The following PCSK5 variants were observed in gnomAD, a reference collection of about 807,000 sequenced individuals.
PCSK5 encodes the protein prohormone convertase 5.
PCSK5 carries 129 observed loss-of-function variants against 233.2 expected under a neutral mutation model. The ratio of observed to expected loss-of-function variants is 0.55; its 90% CI spans 0.48 to 0.64. The LOEUF (loss-of-function observed/expected upper bound fraction) is 0.64. Ranked by LOEUF, PCSK5 falls within the 30% of genes least tolerant of loss-of-function variation. PCSK5 has a pLI of 0.00. For synonymous variants in PCSK5, 825 were observed against 879.2 expected (o/e 0.94, Z 1.09); for missense variants, 2,076 against 2,430.1 (o/e 0.85, Z 3.06).
intron 2 of PCSK5, among the ~76,000 whole-genome samples, chr9:75,976,463 C>A (rs530415834): frequency 3.2e-4 from 48 of 151,998 alleles, no homozygotes; most frequent in African/African-American, 1.1e-3. Context: ...TCCCAAAGAA[C>A]AAATTTACTT....
intron 23 of PCSK5, among the ~76,000 whole-genome samples, chr9:76,239,701 AAAAAAAAAAG>A (rs1293432991): frequency 3.1e-5 from 4 of 128,624 alleles, no homozygotes; most frequent in African/African-American, 5.1e-5. Context: ...ATCTCAAAAA[AAAAAAAAAAG>A]AAAAAAAAGA....
At chr9:76,113,123 C>A (rs558952046) in intron 9 of PCSK5, among the ~76,000 whole-genome samples, 2 of 152,272 alleles carry the variant, frequency 1.3e-5, no homozygotes, top group East Asian at 1.9e-4. Flanking sequence ...TGCCTCAACT[C>A]GTCTCTCATC....
chr9:76,094,110 A>T (rs939831385), intron 7 of PCSK5, among the ~76,000 whole-genome samples: 3 of 152,168 alleles, frequency 2.0e-5, no homozygotes, highest in Non-Finnish European at 4.4e-5. Flanking sequence ...GGTAATTATA[A>T]AGCATTTTTT....
intron 7 of PCSK5, among the ~76,000 whole-genome samples, chr9:76,093,134 A>T (rs1291694864): frequency 8.2e-6 from 1 of 122,532 alleles, no homozygotes; most frequent in Non-Finnish European, 1.6e-5. Context: ...TTGCTGTGTC[A>T]CTCAGCCTGG....
chr9:75,990,221 A>T (rs907462796), intron 3 of PCSK5, among the ~76,000 whole-genome samples: 8 of 152,124 alleles, frequency 5.3e-5, no homozygotes, highest in African/African-American at 1.9e-4. Flanking sequence ...TGACCTCCGT[A>T]GGGTCCTGCC....
intron 1 of PCSK5, among the ~76,000 whole-genome samples, chr9:75,917,362 G>T (rs1351512937): frequency 6.6e-6 from 1 of 152,180 alleles, no homozygotes; most frequent in Non-Finnish European, 1.5e-5. Flanking sequence ...AGAACACTTT[G>T]CATTTTTATG....
intron 3 of PCSK5, among the ~76,000 whole-genome samples, chr9:76,000,175 A>C (rs771364738): frequency 6.6e-6 from 1 of 152,072 alleles, no homozygotes; most frequent in African/African-American, 2.4e-5. Context: ...CTCCTTTGAA[A>C]ATTTTTGGTT....
intron 3 of PCSK5, among the ~76,000 whole-genome samples, chr9:75,995,737 T>G (rs1011268536): frequency 7.6e-5 from 7 of 91,512 alleles, no homozygotes; most frequent in Admixed American, 2.4e-4. Flanking sequence ...TTAACAGGAT[T>G]CATTCATACA....
At chr9:76,176,830 G>A (rs936825302) in intron 14 of PCSK5, among the ~76,000 whole-genome samples, 1 of 152,062 alleles carries the variant, frequency 6.6e-6, no homozygotes, top group African/African-American at 2.4e-5. Flanking sequence ...TGATTTTCTG[G>A]GATGGTTTAG....
chr9:76,296,777 G>A lies in PCSK5; in HGVS notation c.3435G>A (p.Glu1145=). 6.2e-7 allele frequency: 1 copy of A among 1,612,100 alleles called. No individual in the cohort carries two copies. The highest frequency in any genetic ancestry group is 1.1e-5 in the South Asian group (1 of 91,058). ...CETCTGPGHD[E]CSSCQEGLQL... is the part of the protein sequence containing the mutation. ...CCTGCACAGGCCCTGGTCATGACGA[G>A]TGCAGCAGCTGCCAGGAAGGACTGC... The change falls in exon 27 of 38, where the codon GAG becomes GAA. Residue 1145 remains glutamate, a synonymous_variant. Coordinates refer to ENST00000674117, the MANE Select transcript of PCSK5 (RefSeq NM_001372043.1).
chr9:76,144,704 C>A (rs1259661135), intron 10 of PCSK5, among the ~76,000 whole-genome samples: 1 of 152,222 alleles, frequency 6.6e-6, no homozygotes, highest in Non-Finnish European at 1.5e-5. Flanking sequence ...GCACAGGTAT[C>A]TTTTAAGAAG....
At chr9:76,181,102 C>G (rs1352881957) in intron 15 of PCSK5, among the ~76,000 whole-genome samples, 1 of 152,174 alleles carries the variant, frequency 6.6e-6, no homozygotes, top group East Asian at 1.9e-4. Flanking sequence ...TCCTCTGATT[C>G]ACCACCATAA....
intron 1 of PCSK5, among the ~76,000 whole-genome samples, chr9:75,894,177 C>T (rs1779301562): frequency 6.6e-6 from 1 of 152,158 alleles, no homozygotes; most frequent in Non-Finnish European, 1.5e-5. Context: ...CAGTCATTTA[C>T]TATCCTGGTA....
intron 24 of PCSK5, among the ~76,000 whole-genome samples, chr9:76,289,529 C>CAT (rs1828214812): frequency 1.1e-5 from 1 of 94,742 alleles, no homozygotes; most frequent in Non-Finnish European, 2.6e-5. Flanking sequence ...CACACACACA[C>CAT]ACACACACAC....
At chr9:76,019,227 G>A (rs1321020422) in intron 3 of PCSK5, among the ~76,000 whole-genome samples, 2 of 151,472 alleles carry the variant, frequency 1.3e-5, no homozygotes, top group South Asian at 2.1e-4. Context: ...CCTAGTAAAC[G>A]GTAGTTATAT....
At chr9:76,199,001 A>C (rs1318224468) in intron 20 of PCSK5, among the ~76,000 whole-genome samples, 1 of 152,230 alleles carries the variant, frequency 6.6e-6, no homozygotes, top group Non-Finnish European at 1.5e-5. Context: ...TAAAACTGCA[A>C]AGATCAAAAT....
At chr9:75,919,632 A>G (rs1823157297) in intron 1 of PCSK5, among the ~76,000 whole-genome samples, 1 of 152,044 alleles carries the variant, frequency 6.6e-6, no homozygotes, top group African/African-American at 2.4e-5. Context: ...ATCTGATTTG[A>G]TAGGTGTTTT....
chr9:76,058,180 G>T (rs1829892956), intron 5 of PCSK5, among the ~76,000 whole-genome samples: 1 of 152,128 alleles, frequency 6.6e-6, no homozygotes. Flanking sequence ...GGTTGAGTTG[G>T]TGGGACACCA....
At chr9:76,309,728 C>T (rs553530278) in intron 29 of PCSK5, among the ~76,000 whole-genome samples, 26 of 150,966 alleles carry the variant, frequency 1.7e-4, no homozygotes, top group South Asian at 1.0e-3. Flanking sequence ...ATAAAGTCCA[C>T]GTTGGAATGT....
Sources: allele counts gnomAD v4.1 joint callset (sites outside exome capture counted in the v4.1 genomes callset), GRCh38; gene constraint gnomAD v4.1.1; transcripts MANE v1.5; gene names NCBI Gene and HGNC (gene_info 2026-07-23, HGNC 2026-07-21).